Variants in FAM219A observed in about 807,000 individuals in gnomAD.
FAM219A encodes the protein protein FAM219A.
Under a neutral mutation model 23.4 loss-of-function variants are expected in FAM219A, and 7 were observed. That is an observed-to-expected ratio of 0.30 (90% CI 0.17 to 0.56). FAM219A has a LOEUF of 0.56. FAM219A is among the 20% of genes least tolerant of loss of function. The pLI is 0.92. For synonymous variants in FAM219A, 93 were observed against 99.0 expected, an observed-to-expected ratio of 0.94 and a Z score of 0.36; for missense variants, 166 against 246.9, an observed-to-expected ratio of 0.67 and a Z score of 2.20.
chr9:34,456,233 C>T (rs1262204685), intron 1 of FAM219A, among the ~76,000 whole-genome samples: 1 of 152,170 alleles, frequency 6.6e-6, no homozygotes, highest in Non-Finnish European at 1.5e-5. Flanking sequence ...ACAAGGGTGA[C>T]TTTAGCAGTT....
intron 1 of FAM219A, among the ~76,000 whole-genome samples, chr9:34,441,725 G>T (rs185458891): frequency 4.7e-4 from 71 of 152,166 alleles, no homozygotes; most frequent in African/African-American, 1.7e-3. Context: ...GCTGAAGGGG[G>T]CTTTTATTTA....
At chr9:34,401,221 T>G (rs1821415328) in intron 5 of FAM219A, 99 bp from the exon 6 acceptor site, 1 of 1,414,546 alleles carries the variant, frequency 7.1e-7, no homozygotes, top group Non-Finnish European at 9.7e-7. Flanking sequence ...GTCCAGCCAG[T>G]GCCCTGGATA....
chr9:34,416,756 T>TA (rs57042709), intron 1 of FAM219A, among the ~76,000 whole-genome samples: 116,728 of 145,340 alleles, frequency 0.8, 47,130 homozygotes, highest in Non-Finnish European at 0.84. Flanking sequence ...AAAAGTATGA[T>TA]TTTTTTATTT....
chr9:34,429,588 T>A (rs1407287343), intron 1 of FAM219A, among the ~76,000 whole-genome samples: 1 of 152,108 alleles, frequency 6.6e-6, no homozygotes, highest in African/African-American at 2.4e-5. Context: ...TGGGAGGAAG[T>A]CCCTCTATAG....
intron 1 of FAM219A, among the ~76,000 whole-genome samples, chr9:34,427,911 C>T (rs189353168): frequency 2.6e-5 from 4 of 152,332 alleles, no homozygotes; most frequent in Admixed American, 2.6e-4. Context: ...ACTTAAGGTC[C>T]ACAGCCAAAG....
chr9:34,411,302 C>T (rs1361097712), intron 1 of FAM219A, among the ~76,000 whole-genome samples: 4 of 152,024 alleles, frequency 2.6e-5, no homozygotes, highest in African/African-American at 9.7e-5. Context: ...GTAGTCCTAG[C>T]TACATGAGGC....
intron 1 of FAM219A, among the ~76,000 whole-genome samples, chr9:34,447,441 G>A (rs544282692): frequency 4.6e-5 from 7 of 152,334 alleles, no homozygotes; most frequent in African/African-American, 1.7e-4. Context: ...AGTTTCAGGG[G>A]TGAGAAACCT....
chr9:34,408,122 T>C (rs1053161706), intron 1 of FAM219A, among the ~76,000 whole-genome samples: 5 of 152,172 alleles, frequency 3.3e-5, no homozygotes, highest in African/African-American at 1.2e-4. Flanking sequence ...GCCCTTAGCC[T>C]TGACTGAGTA....
At chr9:34,447,484 C>T (rs1057118833) in intron 1 of FAM219A, among the ~76,000 whole-genome samples, 8 of 152,090 alleles carry the variant, frequency 5.3e-5, no homozygotes, top group Non-Finnish European at 1.0e-4. Context: ...AGGATGACTG[C>T]GAATTTGGAA....
At chr9:34,423,090 G>C (rs911412848) in intron 1 of FAM219A, among the ~76,000 whole-genome samples, 1 of 152,144 alleles carries the variant, frequency 6.6e-6, no homozygotes, top group Non-Finnish European at 1.5e-5. Flanking sequence ...GATCACTTGA[G>C]CCTGGGAGGT....
At chr9:34,437,952 G>C (rs1261775982) in intron 1 of FAM219A, among the ~76,000 whole-genome samples, 2 of 151,780 alleles carry the variant, frequency 1.3e-5, no homozygotes, top group Non-Finnish European at 2.9e-5. Flanking sequence ...AACCCGGGCT[G>C]CGCGTGGCGC....
intron 1 of FAM219A, among the ~76,000 whole-genome samples, chr9:34,443,528 A>T (rs535986928): frequency 6.6e-6 from 1 of 152,336 alleles, no homozygotes; most frequent in South Asian, 2.1e-4. Flanking sequence ...AGACAGAAAA[A>T]GAAAATCAGC....
chr9:34,443,157 TCTAGCCCACTGACATTGGG>T (rs1301336100), intron 1 of FAM219A, among the ~76,000 whole-genome samples: 1 of 152,146 alleles, frequency 6.6e-6, no homozygotes, highest in Non-Finnish European at 1.5e-5. Context: ...ATCTGCCTCC[TCTAGCCCACTGACATTGGG>T]GAGAATAATA....
At chr9:34,455,380 C>G (rs1483841816) in intron 1 of FAM219A, among the ~76,000 whole-genome samples, 1 of 151,936 alleles carries the variant, frequency 6.6e-6, no homozygotes. Flanking sequence ...AGCCTGGGAC[C>G]CTGGTTTTTA....
At position 34,400,840 on chromosome 9, in the gene FAM219A, C is replaced by T. The variant is rs1588026764; in HGVS notation, c.*124G>A. ...ATAGGAGGAAGCAATGACTGTTATA[C>T]GAGGTTGGCGGCTGTAGGGGCGCGG... On this transcript the variant is annotated 3_prime_UTR_variant, in exon 6 of 6. Transcript: ENST00000651358. 7.2e-6 allele frequency: 7 copies of T among 972,088 alleles called. No homozygotes were observed. The highest frequency in any genetic ancestry group is 6.6e-5 in the Admixed American group (2 of 30,338). The allele number at this position is 972,088 out of a possible 1,614,324, so 60.2% of individuals were successfully genotyped here. A position where few individuals can be genotyped will look rare whatever the true frequency, so the allele number is the denominator to read the frequency against.
In FAM219A at chr9:34,448,248, C is replaced by A. The variant is rs375524638; in HGVS notation, c.60+9956G>T. Among the ~76,000 whole-genome samples the A allele has an allele frequency of 5.9e-5, 9 of 152,312 alleles. No homozygotes were observed. In the East Asian group the frequency reaches 1.7e-3, roughly 29 times the overall value. On this transcript the variant is annotated intron_variant, in intron 1 of 5. Coordinates refer to ENST00000651358, the MANE Select transcript of FAM219A (RefSeq NM_001184940.2). ...AACAGATTGCTTGGCTGGCTAACAT[C>A]CCCAAGAGTTCCCCTTTCCTGTGTT... is the stretch of plus-strand genomic sequence containing the variant.
At chr9:34,426,697 T>C (rs940477575) in intron 1 of FAM219A, among the ~76,000 whole-genome samples, 10 of 152,228 alleles carry the variant, frequency 6.6e-5, no homozygotes, top group African/African-American at 2.2e-4. Flanking sequence ...AGCAGAACCA[T>C]CTAAATAGGG....
chr9:34,427,179 CTT>C (rs749042528), intron 1 of FAM219A, among the ~76,000 whole-genome samples: 3 of 152,084 alleles, frequency 2.0e-5, no homozygotes, highest in Non-Finnish European at 4.4e-5. Flanking sequence ...CACATCACCT[CTT>C]GTTTTTTTGA....
At chr9:34,415,924 CT>C (rs1452833878) in intron 1 of FAM219A, among the ~76,000 whole-genome samples, 1 of 152,080 alleles carries the variant, frequency 6.6e-6, no homozygotes, top group Non-Finnish European at 1.5e-5. Flanking sequence ...GTTCTAGAGC[CT>C]GCCTTACCCA....
Sources: gnomAD v4.1 joint callset for allele counts (sites outside exome capture counted in the v4.1 genomes callset) on GRCh38, gnomAD v4.1.1 for gene constraint, MANE v1.5 for transcripts, NCBI Gene and HGNC (gene_info 2026-07-23, HGNC 2026-07-21) for gene names.